RPE: variants seen among roughly 807,000 people sequenced by gnomAD.
The protein encoded by RPE is ribulose-5-phosphate-3-epimerase.
In RPE, 16 loss-of-function variants were observed where a neutral mutation model predicts 24.6. That is an observed-to-expected ratio of 0.65 (90% CI 0.44 to 0.99). RPE has a LOEUF of 0.99. Among genes scored for constraint, RPE ranks in the 50% least tolerant of loss-of-function variants. The pLI is 0.00. For missense variants in RPE, 240 were observed against 294.5 expected (o/e 0.81, Z 1.35); for synonymous variants, 93 against 98.4 (o/e 0.94, Z 0.33).
At chr2:210,008,794 C>G (rs1390680110) in intron 1 of RPE, among the ~76,000 whole-genome samples, 3 of 152,114 alleles carry the variant, frequency 2.0e-5, no homozygotes, top group African/African-American at 4.8e-5. Context: ...CTCCCAGATT[C>G]AAACGATTCT....
At chr2:210,016,890 C>T (rs1443593389) in intron 4 of RPE, among the ~76,000 whole-genome samples, 1 of 152,154 alleles carries the variant, frequency 6.6e-6, no homozygotes, top group Non-Finnish European at 1.5e-5. Flanking sequence ...GTCACCTGGG[C>T]TGGAATGCAG....
chr2:210,006,783 A>G (rs577791052), intron 1 of RPE, among the ~76,000 whole-genome samples: 2 of 152,230 alleles, frequency 1.3e-5, no homozygotes, highest in African/African-American at 4.8e-5. Flanking sequence ...AAGTAAACAC[A>G]TGCATCTTAT....
chr2:210,017,581 G>T, intron 5 of RPE, 22 bp downstream of exon 5: 1 of 1,606,210 alleles, frequency 6.2e-7, no homozygotes, highest in Non-Finnish European at 8.5e-7. Flanking sequence ...CTTCAACTAT[G>T]ACTAGACCAA....
At chr2:210,007,006 A>G (rs963420015) in intron 1 of RPE, among the ~76,000 whole-genome samples, 5 of 152,046 alleles carry the variant, frequency 3.3e-5, no homozygotes, top group African/African-American at 1.2e-4. Context: ...GTTTGTTGTC[A>G]TTATAGGGAC....
intron 2 of RPE, among the ~76,000 whole-genome samples, chr2:210,011,831 ATTTTT>A (rs56083964): frequency 3.7e-5 from 4 of 106,716 alleles, no homozygotes; most frequent in East Asian, 2.6e-4. Flanking sequence ...ACAACCGGCT[ATTTTT>A]TTTTTTTTTT....
intron 5 of RPE, chr2:210,017,860 T>G: frequency 3.6e-6 from 2 of 558,216 alleles, no homozygotes; most frequent in Non-Finnish European, 6.4e-6. Context: ...TTCTCCTGCC[T>G]CAGCCTCCTG....
intron 5 of RPE, among the ~76,000 whole-genome samples, chr2:210,019,113 C>T (rs1269070517): frequency 6.6e-6 from 1 of 152,094 alleles, no homozygotes; most frequent in African/African-American, 2.4e-5. Flanking sequence ...TTAAATGTAT[C>T]TTAAAAACTT....
Position 210,002,800 on chromosome 2 carries a change from C to G in RPE, c.122+17C>G. 1 of 1,614,114 alleles carries G rather than the reference C, an allele frequency of 6.2e-7. No homozygotes were observed. The highest frequency in any genetic ancestry group is 8.5e-7 in the Non-Finnish European group (1 of 1,180,006). ...AATGGACGGGTAACTCCTCCGGGCT[C>G]CGGTCGGGCTTGCCGCGCGGCGGGG... On this transcript the variant is annotated intron_variant, in intron 1 of 5. Transcript: ENST00000359429.
intron 2 of RPE, among the ~76,000 whole-genome samples, chr2:210,014,551 G>A (rs1320370207): frequency 4.0e-5 from 6 of 151,430 alleles, no homozygotes; most frequent in South Asian, 2.1e-4. Flanking sequence ...CCTGCACTTC[G>A]GGAAGCCAGC....
intron 1 of RPE, among the ~76,000 whole-genome samples, chr2:210,005,279 A>T (rs939989553): frequency 6.6e-6 from 1 of 151,866 alleles, no homozygotes; most frequent in African/African-American, 2.4e-5. Context: ...TAAAAATCTC[A>T]TCCAACATTA....
intron 2 of RPE, among the ~76,000 whole-genome samples, 192 bp downstream of exon 2, chr2:210,009,928 GGTA>G (rs774780885): frequency 6.6e-6 from 1 of 152,194 alleles, no homozygotes; most frequent in Non-Finnish European, 1.5e-5. Context: ...TGCATGGAAA[GGTA>G]GTAGCTTGGC....
At chr2:210,003,213 T>G (rs897211440) in intron 1 of RPE, among the ~76,000 whole-genome samples, 3 of 152,190 alleles carry the variant, frequency 2.0e-5, no homozygotes, top group Non-Finnish European at 4.4e-5. Flanking sequence ...GTTCCCGAGT[T>G]CTGCCACTTG....
chr2:210,020,774 T>G lies in RPE; in HGVS notation c.*983T>G, dbSNP rs767461438. On this transcript the variant is annotated 3_prime_UTR_variant, in exon 6 of 6. Transcript: ENST00000359429. ...TCATTAAATCTGTAAATCACCTCTA[T>G]AAGTAAGTGGTAATAATAAAGCAGA... is the stretch of plus-strand genomic sequence containing the variant. 1 of 159,548 alleles carries G rather than the reference T, an allele frequency of 6.3e-6. No individual in the cohort carries two copies. Among genetic ancestry groups the G allele is most frequent in the Non-Finnish European group, 1.5e-5 (1 of 68,022 alleles). The allele number at this position is 159,548 out of a possible 1,614,324, so 9.9% of individuals were successfully genotyped here.
chr2:210,008,741 G>T (rs2093663929), intron 1 of RPE, among the ~76,000 whole-genome samples: 1 of 152,086 alleles, frequency 6.6e-6, no homozygotes, highest in South Asian at 2.1e-4. Context: ...TGTCGCCCAG[G>T]CTGGAATACA....
chr2:210,019,719 C>A lies in RPE; in HGVS notation c.615C>A (p.Asp205Glu), dbSNP rs1318581964. The A allele has an allele frequency of 1.2e-6, 2 of 1,613,450 alleles. No homozygotes were observed. Among genetic ancestry groups the A allele is most frequent in the Middle Eastern group, 1.7e-4 (1 of 6,056 alleles). Reference protein sequence around the residue: ...VSGSAIMRSEDPRSVINLLRN... With the variant: ...VSGSAIMRSEEPRSVINLLRN... ...GCAGTGCTATTATGAGGAGTGAAGACCCCAGATCTGTGATCAATCTATTAA... is the reference window on the plus strand; with the variant it reads ...GCAGTGCTATTATGAGGAGTGAAGAACCCAGATCTGTGATCAATCTATTAA... Residue 205 changes from aspartate to glutamate, a missense_variant, in exon 6 of 6, where the codon GAC becomes GAA. Transcript: ENST00000359429.
At chr2:210,004,802 T>C (rs1311074333) in intron 1 of RPE, among the ~76,000 whole-genome samples, 2 of 152,156 alleles carry the variant, frequency 1.3e-5, no homozygotes, top group African/African-American at 4.8e-5. Context: ...CAGAAGTCAC[T>C]TTTGTCCCCT....
At chr2:210,011,316 G>T (rs1018339550) in intron 2 of RPE, among the ~76,000 whole-genome samples, 1 of 152,158 alleles carries the variant, frequency 6.6e-6, no homozygotes, top group East Asian at 1.9e-4. Flanking sequence ...AGAGGTAGAT[G>T]AAATAAATAG....
At chr2:210,009,392 C>A (rs528158660) in intron 1 of RPE, among the ~76,000 whole-genome samples, 1 of 152,216 alleles carries the variant, frequency 6.6e-6, no homozygotes, top group South Asian at 2.1e-4. Context: ...TATCATCTCT[C>A]CATTTCTACT....
intron 1 of RPE, among the ~76,000 whole-genome samples, chr2:210,008,907 G>C (rs963129991): frequency 1.3e-5 from 2 of 152,046 alleles, no homozygotes; most frequent in Non-Finnish European, 2.9e-5. Flanking sequence ...TGTTGGCCAG[G>C]CTGGTCTTGA....
Sources: gnomAD v4.1 joint callset for allele counts (sites outside exome capture counted in the v4.1 genomes callset) on GRCh38, gnomAD v4.1.1 for gene constraint, MANE v1.5 for transcripts, NCBI Gene and HGNC (gene_info 2026-07-23, HGNC 2026-07-21) for gene names.